Variants in VPS8 observed in about 807,000 individuals in gnomAD.
The protein encoded by VPS8 is vacuolar protein sorting-associated protein 8 homolog.
Under a neutral mutation model 216.4 loss-of-function variants are expected in VPS8, and 129 were observed. The observed-to-expected ratio is 0.60, with a 90% CI of 0.52 to 0.69. The LOEUF (loss-of-function observed/expected upper bound fraction) is 0.69, where lower values mean the gene tolerates loss of function less well. Among genes scored for constraint, VPS8 ranks in the 30% least tolerant of loss-of-function variants. The pLI is 0.00. For missense variants in VPS8, 1,531 were observed against 1,683.5 expected, an observed-to-expected ratio of 0.91 and a Z score of 1.59; for synonymous variants, 571 against 565.4, an observed-to-expected ratio of 1.01 and a Z score of -0.14.
rs192558360 is a variant in VPS8 at position 184,895,958 on chromosome 3, A to G, written c.2004+1033A>G. 2.9e-3 allele frequency among the ~76,000 whole-genome samples: 438 copies of G among 151,910 alleles called. 2 individuals carry two copies. The highest frequency in any genetic ancestry group is 0.011 in the East Asian group (55 of 5,068). ...CCACAATTTGATTTTTTAATTCCAC[A>G]TTAGTCCTAATAATGAGCATGTTAC... On this transcript the variant is annotated intron_variant, in intron 23 of 47. Transcript: ENST00000625842.
rs1048848448 is a variant in VPS8, at chr3:184,869,343, T to C, written c.1598-139T>C. On this transcript the variant is annotated intron_variant, in intron 19 of 47. Coordinates refer to ENST00000625842, the MANE Select transcript of VPS8 (RefSeq NM_001009921.3). ...TTGAGGTGTTCCTATTATGGTGTAT[T>C]ATCCAACATTTTGATAGCTAAGAAT... 2.4e-5 allele frequency: 20 copies of C among 846,556 alleles called. No homozygotes were observed. In the Middle Eastern group the frequency reaches 6.9e-4, roughly 29 times the overall value. 52.4% of individuals were successfully genotyped at this position (846,556 alleles called of 1,614,324 possible).
At chr3:184,855,209 C>A (rs2108682296) in intron 13 of VPS8, among the ~76,000 whole-genome samples, 1 of 152,130 alleles carries the variant, frequency 6.6e-6, no homozygotes, top group Non-Finnish European at 1.5e-5. Context: ...TTGAATTTTA[C>A]ATTGAATACT....
rs536366166 is a variant in VPS8 at position 185,013,574 on chromosome 3, G to A, written c.4003-10762G>A. On this transcript the variant is annotated intron_variant, in intron 45 of 47. Coordinates refer to ENST00000625842, the MANE Select transcript of VPS8 (RefSeq NM_001009921.3). ...TTTGTTCTTTAATTTTGCAATAGCC[G>A]AAGACAAGTTTGTAGAGTGTCCTTC... is the stretch of plus-strand genomic sequence containing the variant. Among the ~76,000 whole-genome samples the A allele has an allele frequency of 1.7e-4, 26 of 152,256 alleles. No individual in the cohort carries two copies. The South Asian group carries it at 2.5e-3, about 15-fold the overall frequency.
intron 45 of VPS8, among the ~76,000 whole-genome samples, chr3:185,004,451 G>A (rs535501336): frequency 1.3e-5 from 2 of 152,208 alleles, no homozygotes; most frequent in Non-Finnish European, 2.9e-5. Context: ...CCTCGGCTCG[G>A]CCTCAGAGGG....
chr3:184,815,241 T>C (rs1338378710), intron 1 of VPS8, among the ~76,000 whole-genome samples: 1 of 152,188 alleles, frequency 6.6e-6, no homozygotes, highest in East Asian at 1.9e-4. Context: ...GGATAGCAAA[T>C]ACATAAACTG....
chr3:184,932,314 T>C (rs1740830827), intron 34 of VPS8, among the ~76,000 whole-genome samples: 1 of 152,120 alleles, frequency 6.6e-6, no homozygotes, highest in African/African-American at 2.4e-5. Context: ...AGATACATGA[T>C]TCTGTTTAAA....
chr3:184,872,322 G>T (rs1026960822), intron 21 of VPS8, among the ~76,000 whole-genome samples: 6 of 152,032 alleles, frequency 3.9e-5, no homozygotes, highest in Non-Finnish European at 5.9e-5. Flanking sequence ...AGTGTTGGGG[G>T]AAAACGTGGT....
At chr3:184,944,422 C>A in intron 36 of VPS8, 1 of 788,142 alleles carries the variant, frequency 1.3e-6, no homozygotes, top group Non-Finnish European at 1.5e-6. Context: ...CGACTCTACC[C>A]CCATCCCCTG....
rs568282767 is a variant in VPS8, at chr3:185,021,940, T to G, written c.4003-2396T>G. 2.6e-5 allele frequency among the ~76,000 whole-genome samples: 4 copies of G among 152,354 alleles called. No homozygotes were observed. In the South Asian group the frequency reaches 8.3e-4, roughly 32 times the overall value. ...TAGTCAGATAGTATCGAGTATCCAT[T>G]GAACTACTTATAGTAATAATTATAT... On this transcript the variant is annotated intron_variant, in intron 45 of 47. Transcript: ENST00000625842.
intron 45 of VPS8, among the ~76,000 whole-genome samples, chr3:185,011,977 T>G (rs954174038): frequency 1.3e-5 from 2 of 152,054 alleles, no homozygotes; most frequent in Admixed American, 1.3e-4. Context: ...ATCTCTGAAG[T>G]AAAACCAAGT....
At chr3:184,981,313 C>T (rs1010685578) in intron 40 of VPS8, among the ~76,000 whole-genome samples, 9 of 151,924 alleles carry the variant, frequency 5.9e-5, no homozygotes, top group Admixed American at 1.3e-4. Flanking sequence ...GCAGCAACAG[C>T]GGCATGACAG....
At chr3:184,858,187 G>A (rs532851622) in intron 14 of VPS8, among the ~76,000 whole-genome samples, 2 of 152,202 alleles carry the variant, frequency 1.3e-5, no homozygotes, top group African/African-American at 4.8e-5. Context: ...GAGCAGAAGG[G>A]GAAGAAGCAA....
chr3:184,866,082 T>C (rs1277579865), intron 16 of VPS8, among the ~76,000 whole-genome samples: 1 of 152,148 alleles, frequency 6.6e-6, no homozygotes, highest in Non-Finnish European at 1.5e-5. Context: ...CACACGCTTA[T>C]ATAAAAACTT....
chr3:185,014,299 C>A (rs1316774883), intron 45 of VPS8, among the ~76,000 whole-genome samples: 1 of 152,056 alleles, frequency 6.6e-6, no homozygotes, highest in Non-Finnish European at 1.5e-5. Context: ...TGGCTGTGTT[C>A]GACGGGTGTT....
intron 45 of VPS8, among the ~76,000 whole-genome samples, chr3:185,015,962 T>C (rs1476655918): frequency 1.3e-5 from 2 of 152,200 alleles, no homozygotes; most frequent in African/African-American, 2.4e-5. Flanking sequence ...AATTAGCAAA[T>C]CTAGAGTCTT....
intron 29 of VPS8, among the ~76,000 whole-genome samples, chr3:184,924,000 T>C (rs186672731): frequency 6.6e-6 from 1 of 152,224 alleles, no homozygotes; most frequent in South Asian, 2.1e-4. Flanking sequence ...GTCTTTTCCT[T>C]CTTGTTCCTA....
At chr3:184,960,969 T>C (rs1347924721) in intron 37 of VPS8, among the ~76,000 whole-genome samples, 2 of 152,218 alleles carry the variant, frequency 1.3e-5, no homozygotes, top group African/African-American at 4.8e-5. Context: ...TTTCCATTTA[T>C]TTTAGTAAAG....
chr3:184,869,067 G>T (rs545458740), intron 19 of VPS8, 31 bp downstream of exon 19: 3 of 1,574,662 alleles, frequency 1.9e-6, no homozygotes, highest in African/African-American at 2.7e-5. Context: ...TGTAGTAGAC[G>T]TGGTTCTCCT....
intron 1 of VPS8, among the ~76,000 whole-genome samples, chr3:184,819,850 T>C (rs1717172026): frequency 6.6e-6 from 1 of 152,162 alleles, no homozygotes; most frequent in African/African-American, 2.4e-5. Context: ...TTAACACATA[T>C]TTTGTGTGTT....
Sources: allele counts gnomAD v4.1 joint callset (sites outside exome capture counted in the v4.1 genomes callset), GRCh38; gene constraint gnomAD v4.1.1; transcripts MANE v1.5; gene names NCBI Gene and HGNC (gene_info 2026-07-23, HGNC 2026-07-21).